The following MACF1 variants were observed in gnomAD, a reference collection of about 807,000 sequenced individuals.
The protein encoded by MACF1 is microtubule actin crosslinking factor 1.
Under a neutral mutation model 854.8 loss-of-function variants are expected in MACF1, and 193 were observed. That is an observed-to-expected ratio of 0.23 (90% CI 0.20 to 0.25). MACF1 has a LOEUF of 0.25. Among genes scored for constraint, MACF1 ranks in the 10% least tolerant of loss-of-function variants. The probability of loss-of-function intolerance (pLI) is 1.00; values close to 1 mark genes in which losing one functional copy is unlikely to be tolerated. For synonymous variants in MACF1, 3,185 were observed against 3,226.7 expected (o/e 0.99, Z 0.44); for missense variants, 7,722 against 8,929.1 (o/e 0.86, Z 5.45).
chr1:39,395,995 G>A (rs1642256730), intron 58 of MACF1, among the ~76,000 whole-genome samples: 1 of 152,202 alleles, frequency 6.6e-6, no homozygotes, highest in Non-Finnish European at 1.5e-5. Context: ...AGAAAGGATT[G>A]ATAGATTTTA....
chr1:39,346,728 C>T (rs1339271098), intron 40 of MACF1, among the ~76,000 whole-genome samples: 1 of 151,988 alleles, frequency 6.6e-6, no homozygotes, highest in Non-Finnish European at 1.5e-5. Context: ...ACCGTGTTAG[C>T]CAGGATGGTC....
chr1:39,372,920 A>G, intron 52 of MACF1: 1 of 268,302 alleles, frequency 3.7e-6, no homozygotes, highest in Non-Finnish European at 7.1e-6. Flanking sequence ...GGGATGGGTA[A>G]GCATCATCTT....
At position 39,454,954 on chromosome 1, in the gene MACF1, T is replaced by A; in HGVS notation, c.20932T>A (p.Leu6978Met). 6.2e-7 allele frequency: 1 copy of A among 1,614,180 alleles called. No individual in the cohort carries two copies. The highest frequency in any genetic ancestry group is 8.5e-7 in the Non-Finnish European group (1 of 1,180,012). ...KQHQQRLETALSELVANAELL... is the reference protein window; with the variant it reads ...KQHQQRLETAMSELVANAELL... ...GCACCAGCAGCGTCTTGAAACGGCC[T>A]TGTCAGAACTGGTGGCTAATGCTGA... The change falls in exon 89 of 101, where the codon TTG becomes ATG. Residue 6978 changes from leucine (L) to methionine (M), a missense_variant. This residue lies in a region of MACF1 where 729 missense variants were observed against 900.5 expected (regional missense o/e 0.81). Coordinates refer to ENST00000564288, the MANE Select transcript of MACF1 (RefSeq NM_001394062.1).
chr1:39,298,378 G>T (rs1231810737), intron 21 of MACF1, among the ~76,000 whole-genome samples: 1 of 152,074 alleles, frequency 6.6e-6, no homozygotes, highest in African/African-American at 2.4e-5. Context: ...ATTTCTTCAG[G>T]AGTGCTGGTA....
At chr1:39,380,506 A>G in intron 55 of MACF1, 133 bp downstream of exon 55, 1 of 887,894 alleles carries the variant, frequency 1.1e-6, no homozygotes, top group Middle Eastern at 3.8e-4. Context: ...GGATCCAGAT[A>G]GGGCCAGAGC....
chr1:39,351,287 G>A (rs981058743), intron 43 of MACF1, among the ~76,000 whole-genome samples: 5 of 152,042 alleles, frequency 3.3e-5, no homozygotes, highest in Non-Finnish European at 2.9e-5. Flanking sequence ...CAAGTAGCTG[G>A]GATTACAGGT....
chr1:39,216,608 G>A (rs1388744571), intron 1 of MACF1, among the ~76,000 whole-genome samples: 1 of 151,880 alleles, frequency 6.6e-6, no homozygotes, highest in African/African-American at 2.4e-5. Flanking sequence ...GTATTTAGGT[G>A]CTTTTTGAGG....
At chr1:39,214,199 C>T (rs1021755670) in intron 1 of MACF1, among the ~76,000 whole-genome samples, 5 of 152,062 alleles carry the variant, frequency 3.3e-5, no homozygotes, top group East Asian at 1.9e-4. Flanking sequence ...TTATCTGCAG[C>T]GGGGCCTTTT....
intron 48 of MACF1, 92 bp downstream of exon 48, chr1:39,361,093 A>G: frequency 2.0e-6 from 2 of 1,015,636 alleles, no homozygotes; most frequent in South Asian, 1.5e-5. Flanking sequence ...AGGGAACCTA[A>G]TATCTGTGAA....
intron 36 of MACF1, among the ~76,000 whole-genome samples, chr1:39,329,136 T>C (rs1383886746): frequency 1.3e-5 from 2 of 152,222 alleles, no homozygotes; most frequent in African/African-American, 2.4e-5. Flanking sequence ...ATAATATATA[T>C]GTTTAAATTA....
chr1:39,476,864 G>A (rs934649558), intron 97 of MACF1, among the ~76,000 whole-genome samples: 1 of 151,304 alleles, frequency 6.6e-6, no homozygotes, highest in Non-Finnish European at 1.5e-5. Flanking sequence ...GGCTGAGGCG[G>A]GTGGATCACC....
intron 5 of MACF1, chr1:39,254,685 T>C: frequency 3.3e-6 from 1 of 304,494 alleles, no homozygotes; most frequent in Non-Finnish European, 6.1e-6. Context: ...AGAAAAGAGA[T>C]GGAAAAAAGG....
chr1:39,253,509 A>ATTTTTTTTTTT (rs34578005), intron 4 of MACF1, among the ~76,000 whole-genome samples: 2 of 91,520 alleles, frequency 2.2e-5, no homozygotes, highest in African/African-American at 4.3e-5. Flanking sequence ...AGCTATCTGT[A>ATTTTTTTTTTT]TTTTTTTTTT....
At chr1:39,393,743 A>G (rs915326460) in intron 58 of MACF1, among the ~76,000 whole-genome samples, 1 of 151,690 alleles carries the variant, frequency 6.6e-6, no homozygotes, top group African/African-American at 2.4e-5. Context: ...TAGGACGTTG[A>G]CGCTGCAGTG....
At chr1:39,146,462 AAAG>A (rs964952994) in intron 2 of MACF1, among the ~76,000 whole-genome samples, 2 of 151,514 alleles carry the variant, frequency 1.3e-5, no homozygotes, top group Admixed American at 6.6e-5. Flanking sequence ...AAAAAAAAAA[AAAG>A]AAAGAAAGAA....
Position 39,387,520 on chromosome 1 carries a change from A to G in MACF1, c.14678A>G (p.Asp4893Gly). 6.2e-7 allele frequency: 1 copy of G among 1,614,186 alleles called. No homozygotes were observed. The highest frequency in any genetic ancestry group is 8.5e-7 in the Non-Finnish European group (1 of 1,180,030). Residue 4893 changes from aspartate (D) to glycine (G), a missense_variant, in exon 58 of 101, where the codon GAC becomes GGC. By Grantham distance (94) the Asp-to-Gly change is moderately conservative. Transcript: ENST00000564288. The part of the protein sequence containing the change: ...HWEELSKKTA[D>G]RQSRLKDCMQ... ...GAAGAGCTTAGTAAAAAAACTGCAG[A>G]CAGACAATCCAGGCTCAAGGATTGT... is the stretch of plus-strand genomic sequence containing the variant.
In MACF1 at chr1:39,380,229, C is replaced by A. The variant is rs377071787; in HGVS notation, c.13519-15C>A. The A allele has an allele frequency of 9.3e-6, 15 of 1,609,744 alleles. No homozygotes were observed. The African/African-American group carries it at 1.1e-4, about 11-fold the overall frequency. ...GTCCAGAATCTCATGGCATGCATGGCATTCTTTCTCCTAGGCCTTCCTGGC... is the reference window on the plus strand; with the variant it reads ...GTCCAGAATCTCATGGCATGCATGGAATTCTTTCTCCTAGGCCTTCCTGGC... On this transcript the variant is annotated splice_polypyrimidine_tract_variant and intron_variant, in intron 54 of 100. Transcript: ENST00000564288.
chr1:39,188,971 C>T (rs1393690844), intron 2 of MACF1, among the ~76,000 whole-genome samples: 6 of 152,170 alleles, frequency 3.9e-5, no homozygotes, highest in Non-Finnish European at 8.8e-5. Flanking sequence ...CTCTTGAGCT[C>T]AGGTGATCCA....
chr1:39,471,282 A>C (rs545780676), intron 97 of MACF1, among the ~76,000 whole-genome samples: 94 of 152,366 alleles, frequency 6.2e-4, no homozygotes, highest in Admixed American at 1.3e-3. Context: ...AAGGATGAGA[A>C]GAGAACAAAG....
Sources: allele counts gnomAD v4.1 joint callset (sites outside exome capture counted in the v4.1 genomes callset), GRCh38; gene constraint gnomAD v4.1.1; regional missense constraint gnomAD v4.1.1; transcripts MANE v1.5; gene names NCBI Gene and HGNC (gene_info 2026-07-23, HGNC 2026-07-21).